PLEK2: variants seen among roughly 807,000 people sequenced by gnomAD.
PLEK2 encodes pleckstrin-2.
In PLEK2, 29 loss-of-function variants were observed where a neutral mutation model predicts 43.8. That is an observed-to-expected ratio of 0.66 (90% CI 0.49 to 0.90). The LOEUF is 0.90. Among genes scored for constraint, PLEK2 ranks in the 40% least tolerant of loss-of-function variants. The pLI, the probability that PLEK2 is intolerant of heterozygous loss-of-function variation, is 0.00. For synonymous variants in PLEK2, 162 were observed against 173.2 expected, an observed-to-expected ratio of 0.94 and a Z score of 0.51; for missense variants, 398 against 448.1, an observed-to-expected ratio of 0.89 and a Z score of 1.01.
Position 67,397,668 on chromosome 14 carries a change from G to A in PLEK2, c.201C>T (p.Asn67=), listed in dbSNP as rs920169276. The change falls in exon 2 of 9, where the codon AAC becomes AAT. Residue 67 remains asparagine, a synonymous_variant. Transcript: ENST00000216446. ...TITCPCLEYE[N]RPLLIKLKTQ... Reference sequence around the variant, plus strand: ...AGCAGGGGCCATCACTTACCGGTCGGTTTTCATACTCCAGGCAGGGGCAGG... The same window carrying A: ...AGCAGGGGCCATCACTTACCGGTCGATTTTCATACTCCAGGCAGGGGCAGG... 4 of 1,611,098 alleles carry A rather than the reference G, an allele frequency of 2.5e-6. No individual in the cohort carries two copies. Among genetic ancestry groups the A allele is most frequent in the Non-Finnish European group, 3.4e-6 (4 of 1,178,570 alleles).
rs370182245 is a variant in PLEK2 at position 67,389,654 on chromosome 14, G to A, written c.855+1009C>T. The stretch of plus-strand genomic sequence containing the variant: ...GGTGTGTATAGGCACGTATGTGTGT[G>A]TATATATTTTCTCAGTTTCCTATTT... On this transcript the variant is annotated intron_variant, in intron 7 of 8. Coordinates refer to ENST00000216446, the MANE Select transcript of PLEK2 (RefSeq NM_016445.3). Among the ~76,000 whole-genome samples the A allele has an allele frequency of 5.3e-5, 8 of 152,094 alleles. No individual in the cohort carries two copies. In the East Asian group the frequency reaches 9.6e-4, roughly 18 times the overall value.
chr14:67,389,680 T>A (rs183395465), intron 7 of PLEK2, among the ~76,000 whole-genome samples: 14 of 152,100 alleles, frequency 9.2e-5, no homozygotes, highest in Non-Finnish European at 1.9e-4. Flanking sequence ...TTTCCTATTT[T>A]AAAAGCTGAG....
At chr14:67,392,303 T>C (rs1188320096) in intron 6 of PLEK2, 23 bp downstream of exon 6, 3 of 1,446,298 alleles carry the variant, frequency 2.1e-6, no homozygotes, top group Admixed American at 3.3e-5. Context: ...TCCATCTCTC[T>C]TCCCTGCTCA....
chr14:67,392,714 G>C lies in PLEK2; in HGVS notation c.617C>G (p.Ser206Cys). 6.2e-7 allele frequency: 1 copy of C among 1,614,202 alleles called. No homozygotes were observed. Residue 206 changes from serine to cysteine, a missense_variant, in exon 5 of 9, where the codon TCT becomes TGT. Physicochemically the swap from Ser to Cys is moderately radical, Grantham distance 112. Transcript: ENST00000216446. ...CAGGAACTGCTCGGCCAGATCCCCAGAGCGAATGGCTCCCATGCTTCGGAC... is the reference window on the plus strand; with the variant it reads ...CAGGAACTGCTCGGCCAGATCCCCACAGCGAATGGCTCCCATGCTTCGGAC... The part of the protein sequence containing the change: ...VGVRSMGAIR[S>C]GDLAEQFLDD...
intron 3 of PLEK2, among the ~76,000 whole-genome samples, chr14:67,394,294 A>G (rs928493804): frequency 2.6e-4 from 40 of 152,214 alleles, no homozygotes; most frequent in Non-Finnish European, 3.2e-4. Context: ...GCTTTGGGAT[A>G]CTGAGGTGGG....
At chr14:67,398,338 C>T (rs2086025663) in intron 1 of PLEK2, among the ~76,000 whole-genome samples, 1 of 152,124 alleles carries the variant, frequency 6.6e-6, no homozygotes, top group Non-Finnish European at 1.5e-5. Flanking sequence ...GATCCTCCCA[C>T]CTCAGAAAGG....
At chr14:67,403,980 G>A (rs1178977330) in intron 1 of PLEK2, among the ~76,000 whole-genome samples, 1 of 152,184 alleles carries the variant, frequency 6.6e-6, no homozygotes, top group Non-Finnish European at 1.5e-5. Flanking sequence ...GTGAGCCTGG[G>A]AGGTCAAGGC....
At chr14:67,404,409 G>A (rs760659321) in intron 1 of PLEK2, among the ~76,000 whole-genome samples, 6 of 151,662 alleles carry the variant, frequency 4.0e-5, no homozygotes, top group Admixed American at 6.6e-5. Flanking sequence ...GATTGCCCAC[G>A]CCTAAAAGTT....
At chr14:67,390,571 A>T in intron 7 of PLEK2, 92 bp downstream of exon 7, 1 of 883,700 alleles carries the variant, frequency 1.1e-6, no homozygotes, top group Non-Finnish European at 1.9e-6. Flanking sequence ...AGGGGAAGGC[A>T]GGATATCCAG....
intron 1 of PLEK2, among the ~76,000 whole-genome samples, chr14:67,410,474 T>A (rs567578881): frequency 6.6e-6 from 1 of 151,798 alleles, no homozygotes; most frequent in South Asian, 2.1e-4. Context: ...CTCCACATGC[T>A]GCGAGAAACC....
At position 67,389,967 on chromosome 14, in the gene PLEK2, C is replaced by T. The variant is rs374858448; in HGVS notation, c.855+696G>A. Among the ~76,000 whole-genome samples, 16 of 152,104 alleles carry T rather than the reference C, an allele frequency of 1.1e-4. No homozygotes were observed. In the East Asian group the frequency reaches 2.9e-3, roughly 28 times the overall value. On this transcript the variant is annotated intron_variant, in intron 7 of 8. Coordinates refer to ENST00000216446, the MANE Select transcript of PLEK2 (RefSeq NM_016445.3). ...CTCCCTGGCCCTGGCCTAGCTGGGT[C>T]CAGGCAGGGGTTCCTGACTGAAGCT...
chr14:67,393,285 G>C (rs374787211), intron 3 of PLEK2, 44 bp from the exon 4 acceptor site: 2 of 1,389,476 alleles, frequency 1.4e-6, no homozygotes, highest in Admixed American at 1.7e-5. Context: ...CTCATCACGC[G>C]GGCAGGTATA....
chr14:67,387,488 G>A, intron 8 of PLEK2, 32 bp from the exon 9 acceptor site: 1 of 1,594,460 alleles, frequency 6.3e-7, no homozygotes, highest in Non-Finnish European at 8.5e-7. Flanking sequence ...AAAAATCAGT[G>A]ATTGAATAGC....
chr14:67,402,760 AT>A (rs2086057012), intron 1 of PLEK2, among the ~76,000 whole-genome samples: 1 of 152,190 alleles, frequency 6.6e-6, no homozygotes, highest in African/African-American at 2.4e-5. Context: ...ACAGGATCTC[AT>A]TCTTTTTTAT....
At chr14:67,394,191 C>T (rs1391145855) in intron 3 of PLEK2, among the ~76,000 whole-genome samples, 2 of 152,192 alleles carry the variant, frequency 1.3e-5, no homozygotes, top group African/African-American at 4.8e-5. Context: ...GCCAGACACA[C>T]ACTGCTTTTG....
chr14:67,410,573 C>T (rs1333072898), intron 1 of PLEK2, among the ~76,000 whole-genome samples: 1 of 152,206 alleles, frequency 6.6e-6, no homozygotes, highest in Admixed American at 6.5e-5. Flanking sequence ...TCAGCTTCTA[C>T]CCTCCTTGCT....
chr14:67,393,008 A>G (rs920612000), intron 4 of PLEK2, 142 bp downstream of exon 4: 1 of 874,174 alleles, frequency 1.1e-6, no homozygotes, highest in African/African-American at 1.6e-5. Flanking sequence ...GTGGCTGCAC[A>G]CCCACACATG....
chr14:67,403,923 A>C (rs367968531), intron 1 of PLEK2, among the ~76,000 whole-genome samples: 7 of 151,916 alleles, frequency 4.6e-5, no homozygotes, highest in African/African-American at 1.7e-4. Flanking sequence ...GTGGTGGCAC[A>C]CTCCTGTAGT....
intron 1 of PLEK2, among the ~76,000 whole-genome samples, chr14:67,398,659 G>A (rs2086027665): frequency 6.6e-6 from 1 of 151,858 alleles, no homozygotes. Context: ...CCTGCCACCT[G>A]AGAACCACCT....
Sources: allele counts gnomAD v4.1 joint callset (sites outside exome capture counted in the v4.1 genomes callset), GRCh38; gene constraint gnomAD v4.1.1; transcripts MANE v1.5; gene names NCBI Gene and HGNC (gene_info 2026-07-23, HGNC 2026-07-21).